TPRG1L: variants seen among roughly 807,000 people sequenced by gnomAD.
TPRG1L encodes tumor protein p63 regulated 1 like.
Under a neutral mutation model 29.4 loss-of-function variants are expected in TPRG1L, and 25 were observed. That is an observed-to-expected ratio of 0.85 (90% CI 0.62 to 1.19). The LOEUF is 1.19. TPRG1L is among the 50% of genes most tolerant of loss of function. The pLI, the probability that TPRG1L is intolerant of heterozygous loss-of-function variation, is 0.00. For missense variants in TPRG1L, 354 were observed against 364.4 expected (o/e 0.97, Z 0.23); for synonymous variants, 182 against 151.1 (o/e 1.20, Z -1.50).
intron 3 of TPRG1L, 139 bp from the exon 4 acceptor site, chr1:3,627,361 A>G: frequency 2.3e-6 from 2 of 876,444 alleles, no homozygotes; most frequent in Admixed American, 2.5e-5. Context: ...GCCGTTTTCC[A>G]TTGTGATATG....
Position 3,625,741 on chromosome 1 carries a change from C to T in TPRG1L, c.322C>T (p.Arg108Trp). ...GGATCACTGGAACAATGAGAAGGAG[C>T]GGCTGGTGCTGGTCACGGAGCAGTC... ...EVDHWNNEKERLVLVTEQSLL... is the reference protein window; with the variant it reads ...EVDHWNNEKEWLVLVTEQSLL... The change falls in exon 3 of 5, where the codon CGG (arginine) becomes TGG (tryptophan). Residue 108 changes from arginine to tryptophan, a missense_variant. Coordinates refer to ENST00000378344, the MANE Select transcript of TPRG1L (RefSeq NM_182752.4). 1.9e-6 allele frequency: 3 copies of T among 1,612,842 alleles called. No individual in the cohort carries two copies. Among genetic ancestry groups the T allele is most frequent in the Non-Finnish European group, 2.5e-6 (3 of 1,179,684 alleles).
rs1441265088 is a variant in TPRG1L, at chr1:3,625,116, C to G, written c.44C>G (p.Pro15Arg). Reference sequence around the variant, plus strand: ...TCGGTGGACTCGGCCGGTACGAGCCCCACGGCGGTGCTGGCGGCCGGCGAG... The same window carrying G: ...TCGGTGGACTCGGCCGGTACGAGCCGCACGGCGGTGCTGGCGGCCGGCGAG... ...RDSVDSAGTSPTAVLAAGEEV... is the reference protein window; with the variant it reads ...RDSVDSAGTSRTAVLAAGEEV... The change falls in exon 1 of 5, where the codon CCC becomes CGC. Residue 15 changes from proline (P) to arginine (R), a missense_variant. By Grantham distance (103) the Pro-to-Arg change is moderately radical. Transcript: ENST00000378344. The G allele has an allele frequency of 8.1e-7, 1 of 1,228,220 alleles. No homozygotes were observed. Among genetic ancestry groups the G allele is most frequent in the Non-Finnish European group, 1.0e-6 (1 of 979,246 alleles). The allele number at this position is 1,228,220 out of a possible 1,614,324, so 76.1% of individuals were successfully genotyped here.
chr1:3,625,678 T>A (rs754478995), intron 2 of TPRG1L, 35 bp from the exon 3 acceptor site: 29 of 1,592,866 alleles, frequency 1.8e-5, no homozygotes, highest in Non-Finnish European at 2.4e-5. Flanking sequence ...GACAGCCGCG[T>A]CCAGTGTGGA....
chr1:3,627,126 A>C (rs11804428), intron 3 of TPRG1L, among the ~76,000 whole-genome samples: 11,362 of 151,926 alleles, frequency 0.075, 1,415 homozygotes, highest in African/African-American at 0.26. Context: ...GCCTGACCAA[A>C]ATGGATAAAC....
chr1:3,627,444 C>A, intron 3 of TPRG1L, 56 bp from the exon 4 acceptor site: 1 of 1,601,630 alleles, frequency 6.2e-7, no homozygotes, highest in Non-Finnish European at 8.5e-7. Context: ...TCAGATTGTC[C>A]ATGAGAGCAC....
At chr1:3,627,278 C>G (rs1455264418) in intron 3 of TPRG1L, among the ~76,000 whole-genome samples, 2 of 152,066 alleles carry the variant, frequency 1.3e-5, no homozygotes, top group Non-Finnish European at 2.9e-5. Flanking sequence ...CCACTACACT[C>G]AAGCCTGGGC....
At chr1:3,627,424 G>C in intron 3 of TPRG1L, 76 bp from the exon 4 acceptor site, 1 of 1,554,216 alleles carries the variant, frequency 6.4e-7, no homozygotes, top group Non-Finnish European at 8.8e-7. Context: ...TCTCCTAACT[G>C]ATGAGACTGT....
In TPRG1L at chr1:3,625,445, G is replaced by A. The variant is rs775232713; in HGVS notation, c.223G>A (p.Val75Met). The change falls in exon 2 of 5, where the codon GTG (valine) becomes ATG (methionine). Residue 75 changes from valine (V) to methionine (M), a missense_variant. Physicochemically the swap from Val to Met is conservative, Grantham distance 21. Coordinates refer to ENST00000378344, the MANE Select transcript of TPRG1L (RefSeq NM_182752.4). ...VFRPGSIEQA[V>M]EEIRVVVRPV... ...CCAGCCCGGCAGCATCGAGCAGGCAGTGGAGGAGATCCGCGTGGTGGTGCG... is the reference window on the plus strand; with the variant it reads ...CCAGCCCGGCAGCATCGAGCAGGCAATGGAGGAGATCCGCGTGGTGGTGCG... 6.2e-7 allele frequency: 1 copy of A among 1,604,616 alleles called. No homozygotes were observed.
Position 3,627,611 on chromosome 1 carries a change from C to T in TPRG1L, c.582C>T (p.His194=). ...TGCCCTATGCCACTTTCACAGAACA[C>T]CCGATGGCTGGCGCAGATGAGAAGA... The part of the protein sequence containing the change: ...TNVPYATFTE[H]PMAGADEKTA... The change falls in exon 4 of 5, where the codon CAC becomes CAT. Residue 194 remains histidine (H), a synonymous_variant. Coordinates refer to ENST00000378344, the MANE Select transcript of TPRG1L (RefSeq NM_182752.4). 2.5e-6 allele frequency: 4 copies of T among 1,614,026 alleles called. No homozygotes were observed. Among genetic ancestry groups the T allele is most frequent in the South Asian group, 1.1e-5 (1 of 91,090 alleles).
intron 2 of TPRG1L, 57 bp from the exon 3 acceptor site, chr1:3,625,656 T>C: frequency 6.3e-7 from 1 of 1,581,142 alleles, no homozygotes; most frequent in Non-Finnish European, 8.6e-7. Context: ...GGGCTGGCCT[T>C]GGCTAAGTCG....
chr1:3,627,725 C>T, intron 4 of TPRG1L, 72 bp downstream of exon 4: 1 of 1,595,636 alleles, frequency 6.3e-7, no homozygotes, highest in Non-Finnish European at 8.5e-7. Flanking sequence ...CACGGAGACA[C>T]TTCAGGTCTG....
Position 3,626,842 on chromosome 1 carries a change from G to A in TPRG1L, c.471-658G>A, listed in dbSNP as rs892789923. The stretch of plus-strand genomic sequence containing the variant: ...GATCCGCCCATTTTGGCCTCCCAAA[G>A]CGCTGGGATTATAGATGTCAGCCAC... On this transcript the variant is annotated intron_variant, in intron 3 of 4. Coordinates refer to ENST00000378344, the MANE Select transcript of TPRG1L (RefSeq NM_182752.4). 5.2e-4 allele frequency among the ~76,000 whole-genome samples: 79 copies of A among 152,232 alleles called. 1 individual carries two copies. The highest frequency in any genetic ancestry group is 1.7e-3 in the African/African-American group (71 of 41,558).
rs1401971526 is a variant in TPRG1L at position 3,625,169 on chromosome 1, GGGGGGCGGCC to G, written c.106_115del (p.Pro36GlyfsTer97). The G allele has an allele frequency of 3.5e-5, 44 of 1,242,560 alleles. No homozygotes were observed. The South Asian group carries it at 9.9e-4, about 28-fold the overall frequency. 77.0% of individuals were successfully genotyped at this position (1,242,560 alleles called of 1,614,324 possible). A position where few individuals can be genotyped will look rare whatever the true frequency, so the allele number is the denominator to read the frequency against. On this transcript the variant is annotated frameshift_variant, in exon 1 of 5. Transcript: ENST00000378344. LOFTEE classifies it high-confidence loss of function. ...GGTGGGGGCAGGCGGCGGCCCGGGC[GGGGGGCGGCC>G]GGGGGCGGGGACGCCGCTGCGCCAG...
rs879007959 is a variant in TPRG1L at position 3,625,035 on chromosome 1, C to T, written c.-38C>T. 10 of 1,190,510 alleles carry T rather than the reference C, an allele frequency of 8.4e-6. No homozygotes were observed. The highest frequency in any genetic ancestry group is 1.0e-5 in the Non-Finnish European group (10 of 953,434). The allele number at this position is 1,190,510 out of a possible 1,614,324, so 73.7% of individuals were successfully genotyped here. On this transcript the variant is annotated 5_prime_UTR_variant, in exon 1 of 5. Transcript: ENST00000378344. ...GCGGTGGCTGCGGCGACGGCGGTCG[C>T]GTCGGCGTCAGGGTCGGGGTCGGTA...
rs896731370 is a variant in TPRG1L, at chr1:3,627,537, C to G, written c.508C>G (p.Gln170Glu). 1 of 1,614,050 alleles carries G rather than the reference C, an allele frequency of 6.2e-7. No individual in the cohort carries two copies. ...TGGGATTCGAATTCAGTGGGACAAGCAAAGTCGTCCTTCCTTCATAAACAG... is the reference window on the plus strand; with the variant it reads ...TGGGATTCGAATTCAGTGGGACAAGGAAAGTCGTCCTTCCTTCATAAACAG... ...GFGIRIQWDK[Q>E]SRPSFINRWN... Residue 170 changes from glutamine to glutamate, a missense_variant, in exon 4 of 5, where the codon CAA becomes GAA. Gln to Glu is a conservative substitution (Grantham distance 29, BLOSUM62 2). Coordinates refer to ENST00000378344, the MANE Select transcript of TPRG1L (RefSeq NM_182752.4).
chr1:3,626,847 G>A (rs1644493099), intron 3 of TPRG1L, among the ~76,000 whole-genome samples: 1 of 152,008 alleles, frequency 6.6e-6, no homozygotes, highest in Admixed American at 6.5e-5. Flanking sequence ...CCAAAGCGCT[G>A]GGATTATAGA....
At position 3,625,669 on chromosome 1, in the gene TPRG1L, A is replaced by G. The variant is rs756643351; in HGVS notation, c.294-44A>G. On this transcript the variant is annotated intron_variant, in intron 2 of 4. Transcript: ENST00000378344. The stretch of plus-strand genomic sequence containing the variant: ...GCGGGCTGGCCTTGGCTAAGTCGAG[A>G]CAGCCGCGTCCAGTGTGGACTGAGG... 4.3e-5 allele frequency: 68 copies of G among 1,586,118 alleles called. No homozygotes were observed. In the Middle Eastern group the frequency reaches 8.5e-4, roughly 20 times the overall value.
intron 3 of TPRG1L, among the ~76,000 whole-genome samples, chr1:3,626,171 A>C (rs1390026705): frequency 1.3e-5 from 2 of 152,262 alleles, no homozygotes; most frequent in African/African-American, 4.8e-5. Context: ...CCAGCGTGTT[A>C]AAAAGGAACT....
chr1:3,627,235 A>G (rs986719008), intron 3 of TPRG1L, among the ~76,000 whole-genome samples: 3 of 152,138 alleles, frequency 2.0e-5, no homozygotes, highest in Non-Finnish European at 4.4e-5. Flanking sequence ...GCTTGAACCC[A>G]GGAGGTGGAG....
Sources: gnomAD v4.1 joint callset for allele counts (sites outside exome capture counted in the v4.1 genomes callset) on GRCh38, gnomAD v4.1.1 for gene constraint, MANE v1.5 for transcripts, NCBI Gene and HGNC (gene_info 2026-07-23, HGNC 2026-07-21) for gene names.